Variants in GALNTL6 observed in about 807,000 individuals in gnomAD.
GALNTL6 encodes the protein polypeptide N-acetylgalactosaminyltransferase like 6.
A neutral mutation model predicts 73.7 loss-of-function variants in GALNTL6; 46 were observed. That is an observed-to-expected ratio of 0.62 (90% CI 0.49 to 0.80). GALNTL6 has a LOEUF of 0.80. GALNTL6 is among the 30% of genes least tolerant of loss of function. GALNTL6 has a pLI of 0.00. For missense variants in GALNTL6, 604 were observed against 755.0 expected (o/e 0.80, Z 2.34); for synonymous variants, 259 against 263.7 (o/e 0.98, Z 0.17).
At chr4:172,841,417 T>C (rs1743199263) in intron 7 of GALNTL6, among the ~76,000 whole-genome samples, 1 of 152,234 alleles carries the variant, frequency 6.6e-6, no homozygotes, top group Non-Finnish European at 1.5e-5. Flanking sequence ...TCCAAGTTCA[T>C]GCAGCTACTA....
chr4:172,269,319 C>G (rs778453060), intron 3 of GALNTL6, among the ~76,000 whole-genome samples: 2 of 152,114 alleles, frequency 1.3e-5, no homozygotes, highest in Non-Finnish European at 2.9e-5. Flanking sequence ...GATATGGCAT[C>G]CTTAAAGGAT....
intron 9 of GALNTL6, among the ~76,000 whole-genome samples, chr4:172,951,777 A>C (rs961586682): frequency 1.3e-5 from 2 of 152,228 alleles, no homozygotes; most frequent in Non-Finnish European, 2.9e-5. Context: ...AGTGAGCTGA[A>C]TCTTTACTGG....
chr4:172,016,703 T>G (rs1267369785), intron 2 of GALNTL6, among the ~76,000 whole-genome samples: 5 of 151,992 alleles, frequency 3.3e-5, no homozygotes, highest in Non-Finnish European at 5.9e-5. Flanking sequence ...GGGTAGACTA[T>G]TTCTTAAAAT....
intron 2 of GALNTL6, among the ~76,000 whole-genome samples, chr4:172,002,987 A>G (rs1472951045): frequency 6.6e-6 from 1 of 152,184 alleles, no homozygotes; most frequent in Admixed American, 6.6e-5. Flanking sequence ...CAATAACAGT[A>G]TCATTTTGGC....
intron 5 of GALNTL6, among the ~76,000 whole-genome samples, chr4:172,701,342 A>G (rs1288261892): frequency 6.6e-6 from 1 of 152,138 alleles, no homozygotes; most frequent in Non-Finnish European, 1.5e-5. Context: ...GTGGCAAACA[A>G]TTGAAATAGA....
intron 12 of GALNTL6, among the ~76,000 whole-genome samples, chr4:173,028,061 T>A (rs1753305757): frequency 6.6e-6 from 1 of 152,128 alleles, no homozygotes; most frequent in African/African-American, 2.4e-5. Flanking sequence ...AAGGATTATG[T>A]CTCAATATTG....
intron 2 of GALNTL6, among the ~76,000 whole-genome samples, chr4:172,078,719 T>C (rs1731787364): frequency 6.6e-6 from 1 of 152,206 alleles, no homozygotes; most frequent in African/African-American, 2.4e-5. Context: ...ATAGTCAATG[T>C]TGATTCATGG....
intron 3 of GALNTL6, among the ~76,000 whole-genome samples, chr4:172,249,945 G>C (rs553153246): frequency 5.3e-5 from 8 of 152,150 alleles, no homozygotes; most frequent in Non-Finnish European, 1.2e-4. Context: ...GTCCCCACTA[G>C]GGCACTGCCT....
At chr4:172,133,250 A>G (rs1217447932) in intron 2 of GALNTL6, among the ~76,000 whole-genome samples, 4 of 152,218 alleles carry the variant, frequency 2.6e-5, no homozygotes, top group African/African-American at 4.8e-5. Flanking sequence ...CTAGTTGGGT[A>G]AGATAATGAG....
At chr4:172,869,494 T>C (rs1347708502) in intron 7 of GALNTL6, among the ~76,000 whole-genome samples, 1 of 152,166 alleles carries the variant, frequency 6.6e-6, no homozygotes, top group Non-Finnish European at 1.5e-5. Flanking sequence ...GCATAAAGTG[T>C]ATGCAGAGGT....
chr4:172,884,739 T>G (rs1198614159), intron 8 of GALNTL6, among the ~76,000 whole-genome samples: 2 of 152,178 alleles, frequency 1.3e-5, no homozygotes, highest in African/African-American at 2.4e-5. Flanking sequence ...CTTCTAGTAG[T>G]TTCATAGTTT....
At chr4:172,256,946 A>C (rs767733614) in intron 3 of GALNTL6, among the ~76,000 whole-genome samples, 1 of 151,164 alleles carries the variant, frequency 6.6e-6, no homozygotes, top group Non-Finnish European at 1.5e-5. Context: ...TCCAAAGCAC[A>C]CTCTGTTCTG....
intron 5 of GALNTL6, among the ~76,000 whole-genome samples, chr4:172,419,918 G>T (rs1220199526): frequency 6.6e-6 from 1 of 152,110 alleles, no homozygotes; most frequent in African/African-American, 2.4e-5. Context: ...AAAAGTTTCA[G>T]AATTTCTTCA....
chr4:172,259,356 A>G (rs1211275906), intron 3 of GALNTL6, among the ~76,000 whole-genome samples: 4 of 151,294 alleles, frequency 2.6e-5, no homozygotes, highest in Admixed American at 6.6e-5. Flanking sequence ...CCTAATAGTT[A>G]ATGATGTTGA....
chr4:171,891,645 T>A (rs2110927470), intron 2 of GALNTL6, among the ~76,000 whole-genome samples: 1 of 152,318 alleles, frequency 6.6e-6, no homozygotes, highest in South Asian at 2.1e-4. Flanking sequence ...CATTTTGTGC[T>A]GTAGTGAGTA....
intron 2 of GALNTL6, among the ~76,000 whole-genome samples, chr4:171,905,144 A>G (rs1001865518): frequency 2.0e-4 from 30 of 152,314 alleles, no homozygotes; most frequent in African/African-American, 7.0e-4. Flanking sequence ...ACACATAACT[A>G]TATTAACTTT....
chr4:172,248,072 A>C (rs1737721761), intron 3 of GALNTL6, among the ~76,000 whole-genome samples: 1 of 50,760 alleles, frequency 2.0e-5, no homozygotes, highest in African/African-American at 3.7e-5. Flanking sequence ...TGAAATAGAC[A>C]GTCCTCATAA....
intron 10 of GALNTL6, among the ~76,000 whole-genome samples, chr4:173,008,563 G>A (rs1045506353): frequency 1.3e-5 from 2 of 152,196 alleles, no homozygotes; most frequent in African/African-American, 4.8e-5. Flanking sequence ...TTATAGGGCC[G>A]CTAAATGAGG....
At chr4:172,875,732 AACACACACAC>A (rs59079970) in intron 7 of GALNTL6, among the ~76,000 whole-genome samples, 18 of 145,826 alleles carry the variant, frequency 1.2e-4, no homozygotes, top group East Asian at 8.2e-4. Flanking sequence ...CTCATACATA[AACACACACAC>A]ACACACACAC....
Sources: allele counts gnomAD v4.1 joint callset (sites outside exome capture counted in the v4.1 genomes callset), GRCh38; gene constraint gnomAD v4.1.1; transcripts MANE v1.5; gene names NCBI Gene and HGNC (gene_info 2026-07-23, HGNC 2026-07-21).